Variants in ARHGEF10 observed in about 807,000 individuals in gnomAD.
The protein encoded by ARHGEF10 is Rho guanine nucleotide exchange factor (GEF) 10.
In ARHGEF10, 140 loss-of-function variants were observed where a neutral mutation model predicts 147.4. The ratio of observed to expected loss-of-function variants is 0.95; its 90% CI spans 0.83 to 1.09. The LOEUF is 1.09. Among genes scored for constraint, ARHGEF10 ranks in the 50% least tolerant of loss-of-function variants. The pLI is 0.00. For synonymous variants in ARHGEF10, 902 were observed against 695.8 expected (o/e 1.30, Z -4.67); for missense variants, 2,222 against 1,752.7 (o/e 1.27, Z -4.78).
intron 2 of ARHGEF10, among the ~76,000 whole-genome samples, chr8:1,848,356 G>A (rs1442373331): frequency 1.3e-5 from 2 of 152,120 alleles, no homozygotes; most frequent in East Asian, 1.9e-4. Flanking sequence ...ATGGGGTCTC[G>A]TGGCCAGCAA....
chr8:1,920,302 G>A (rs1355286988), intron 18 of ARHGEF10, among the ~76,000 whole-genome samples: 1 of 152,170 alleles, frequency 6.6e-6, no homozygotes, highest in Admixed American at 6.5e-5. Context: ...AGTTAACATT[G>A]CACTTATAAT....
At chr8:1,831,842 T>G (rs1233760847) in intron 1 of ARHGEF10, among the ~76,000 whole-genome samples, 1 of 152,200 alleles carries the variant, frequency 6.6e-6, no homozygotes, top group Non-Finnish European at 1.5e-5. Context: ...TTTCTCATTC[T>G]CACCATGGGA....
In ARHGEF10 at chr8:1,909,200, G is replaced by A. The variant is rs2294036; in HGVS notation, c.1968-95G>A. ...AAGTCTGAAGAGTTACAATTCAGCA[G>A]TGGGAAGTTTCTCACTTGAACATCT... is the stretch of plus-strand genomic sequence containing the variant. On this transcript the variant is annotated intron_variant, in intron 17 of 28. Transcript: ENST00000349830. 764,406 of 1,519,054 alleles carry A rather than the reference G, an allele frequency of 0.5. 193,906 individuals are homozygous for A. Among genetic ancestry groups the A allele is most frequent in the African/African-American group, 0.62 (45,188 of 73,028 alleles). 94.1% of individuals were successfully genotyped at this position (1,519,054 alleles called of 1,614,324 possible). A position where few individuals can be genotyped will look rare whatever the true frequency, so the allele number is the denominator to read the frequency against.
At position 1,956,768 on chromosome 8, in the gene ARHGEF10, C is replaced by G. The variant is rs752904424; in HGVS notation, c.3540C>G (p.Tyr1180Ter). 2 of 1,613,982 alleles carry G rather than the reference C, an allele frequency of 1.2e-6. No individual in the cohort carries two copies. Among genetic ancestry groups the G allele is most frequent in the Non-Finnish European group, 8.5e-7 (1 of 1,180,016 alleles). The change falls in exon 29 of 29, where the codon TAC becomes TAG. Residue 1180 changes from tyrosine to a stop codon, truncating the protein, a stop_gained. Coordinates refer to ENST00000349830, the MANE Select transcript of ARHGEF10 (RefSeq NM_014629.4). LOFTEE classifies it low-confidence loss of function (END_TRUNC). ...PKVTGRGMVS[Y>*]HAHNSPVKFI... ...TTTCAGGAAGAGGCATGGTCTCCTA[C>G]CATGCACACAACAGTCCTGTCAAAT...
intron 18 of ARHGEF10, among the ~76,000 whole-genome samples, chr8:1,915,946 A>T (rs1266170598): frequency 6.6e-6 from 1 of 152,324 alleles, no homozygotes; most frequent in East Asian, 1.9e-4. Context: ...ACATTCCAGA[A>T]ACCTTCTATT....
rs1809159912 is a variant in ARHGEF10 at position 1,889,244 on chromosome 8, AGTGG to A, written c.1182+3539_1182+3542del. 1.2e-4 allele frequency among the ~76,000 whole-genome samples: 5 copies of A among 42,856 alleles called. 1 individual carries two copies. Among genetic ancestry groups the A allele is most frequent in the African/African-American group, 7.6e-4 (4 of 5,242 alleles). The allele number at this position is 42,856 out of a possible 152,430, so 28.1% of individuals were successfully genotyped here. On this transcript the variant is annotated intron_variant, in intron 11 of 28. Transcript: ENST00000349830. ...GGGTGAGGGTTGTGAGGAGACATTG[AGTGG>A]GATGAGAGGTGTGAGGAGACACTGA...
Position 1,923,059 on chromosome 8 carries a change from A to T in ARHGEF10, c.2239A>T (p.Asn747Tyr). The T allele has an allele frequency of 6.2e-7, 1 of 1,610,482 alleles. No homozygotes were observed. The highest frequency in any genetic ancestry group is 8.5e-7 in the Non-Finnish European group (1 of 1,177,348). ...VIGQITQLIG[N>Y]LKGNYQNLNQ... ...TGGCCAAATCACTCAGCTGATAGGA[A>T]ACCTTAAAGGAAACTATCAGGTAAC... The change falls in exon 19 of 29, where the codon AAC (asparagine) becomes TAC (tyrosine). Residue 747 changes from asparagine (N) to tyrosine (Y), a missense_variant. Transcript: ENST00000349830.
intron 23 of ARHGEF10, chr8:1,927,005 C>T: frequency 4.9e-6 from 1 of 204,668 alleles, no homozygotes; most frequent in South Asian, 7.7e-5. Flanking sequence ...CCCTCCAGGG[C>T]TCCACTGTGC....
intron 9 of ARHGEF10, among the ~76,000 whole-genome samples, chr8:1,881,886 C>T (rs376951705): frequency 2.0e-5 from 3 of 152,134 alleles, no homozygotes; most frequent in African/African-American, 4.8e-5. Flanking sequence ...CTTTTAAAGA[C>T]GAAATCACTC....
At chr8:1,931,904 G>A (rs1028460458) in intron 25 of ARHGEF10, among the ~76,000 whole-genome samples, 4 of 152,204 alleles carry the variant, frequency 2.6e-5, no homozygotes, top group African/African-American at 9.6e-5. Context: ...GGTGCTCAGA[G>A]AACAAAGTTC....
At chr8:1,880,518 A>T (rs1263163553) in intron 9 of ARHGEF10, among the ~76,000 whole-genome samples, 1 of 152,258 alleles carries the variant, frequency 6.6e-6, no homozygotes, top group East Asian at 1.9e-4. Flanking sequence ...TTAAGATAAC[A>T]TGTAATAGGT....
intron 2 of ARHGEF10, among the ~76,000 whole-genome samples, chr8:1,845,255 C>A (rs1430753713): frequency 1.3e-5 from 2 of 152,228 alleles, no homozygotes; most frequent in South Asian, 4.1e-4. Context: ...GTGGCCTTAC[C>A]CTCCACGGGC....
chr8:1,905,535 G>C lies in ARHGEF10; in HGVS notation c.1822-36G>C, dbSNP rs111867207. On this transcript the variant is annotated intron_variant, in intron 16 of 28. Coordinates refer to ENST00000349830, the MANE Select transcript of ARHGEF10 (RefSeq NM_014629.4). The stretch of plus-strand genomic sequence containing the variant: ...CATCTTTTTCTTTTCCGGGTAAACT[G>C]AACTGTGGTCCCTGGGCTGTGTTTT... 1.1e-3 allele frequency: 1,744 copies of C among 1,614,036 alleles called. 9 individuals are homozygous for C. In the African/African-American group the frequency reaches 0.02, roughly 19 times the overall value.
intron 27 of ARHGEF10, among the ~76,000 whole-genome samples, chr8:1,951,912 C>T (rs1815080055): frequency 1.3e-5 from 2 of 152,190 alleles, no homozygotes; most frequent in Admixed American, 1.3e-4. Flanking sequence ...TGGGGTCTTC[C>T]TTGTAGCCAC....
Position 1,849,971 on chromosome 8 carries a change from GGGCC to G in ARHGEF10, c.37+6539_37+6542del, listed in dbSNP as rs1563173589. Among the ~76,000 whole-genome samples the G allele has an allele frequency of 7.8e-4, 96 of 123,834 alleles. 9 individuals are homozygous for G. The highest frequency in any genetic ancestry group is 3.0e-3 in the African/African-American group (93 of 30,878). 81.2% of individuals were successfully genotyped at this position (123,834 alleles called of 152,430 possible). A position where few individuals can be genotyped will look rare whatever the true frequency, so the allele number is the denominator to read the frequency against. Reference sequence around the variant, plus strand: ...AGAGGGCAAATGCTGAGGAGGGCGTGGGCCGGCTGCATGGACACAGAGGGCAAAT... The same window carrying G: ...AGAGGGCAAATGCTGAGGAGGGCGTGGGCTGCATGGACACAGAGGGCAAAT... On this transcript the variant is annotated intron_variant, in intron 2 of 28. Transcript: ENST00000349830.
At chr8:1,922,548 G>A (rs560178642) in intron 18 of ARHGEF10, among the ~76,000 whole-genome samples, 27 of 152,268 alleles carry the variant, frequency 1.8e-4, no homozygotes, top group Admixed American at 3.3e-4. Context: ...TTTCAGGGAC[G>A]TGACCACCGA....
In ARHGEF10 at chr8:1,909,458, A is replaced by G. The variant is rs772418903; in HGVS notation, c.2131A>G (p.Asn711Asp). 17 of 1,613,944 alleles carry G rather than the reference A, an allele frequency of 1.1e-5. No homozygotes were observed. The East Asian group carries it at 2.7e-4, about 25-fold the overall frequency. ...HPPESLAVVA[N>D]AKPNKVYMGP... ...GCCGGAGAGCCTGGCCGTGGTTGCT[A>G]ACGCGAAACCAAGTAAGTGATGCTT... Residue 711 changes from asparagine to aspartate, a missense_variant, in exon 18 of 29, where the codon AAC becomes GAC. Physicochemically the swap from Asn to Asp is conservative, Grantham distance 23. Coordinates refer to ENST00000349830, the MANE Select transcript of ARHGEF10 (RefSeq NM_014629.4).
intron 1 of ARHGEF10, among the ~76,000 whole-genome samples, chr8:1,832,523 GGT>G (rs1491352773): frequency 8.8e-6 from 1 of 113,808 alleles, no homozygotes; most frequent in African/African-American, 3.5e-5. Context: ...CAGAGACAGA[GGT>G]AGAGAGACAC....
chr8:1,888,231 AGTGAGTGTGGTGAGGGTTGCGAGGAGATG>A lies in ARHGEF10; in HGVS notation c.1182+2525_1182+2553del, dbSNP rs1808935447. ...AGTGGGGCGAGGGTTGCGAGGAGAC[AGTGAGTGTGGTGAGGGTTGCGAGGAGATG>A]CTGAGTGGGGCTGTAGGTTCTGAGG... On this transcript the variant is annotated intron_variant, in intron 11 of 28. Coordinates refer to ENST00000349830, the MANE Select transcript of ARHGEF10 (RefSeq NM_014629.4). Among the ~76,000 whole-genome samples, 11 of 54,976 alleles carry A rather than the reference AGTGAGTGTGGTGAGGGTTGCGAGGAGATG, an allele frequency of 2.0e-4. No individual in the cohort carries two copies. In the East Asian group the frequency reaches 2.3e-3, roughly 12 times the overall value. The allele number at this position is 54,976 out of a possible 152,430, so 36.1% of individuals were successfully genotyped here. A position where few individuals can be genotyped will look rare whatever the true frequency, so the allele number is the denominator to read the frequency against.
Sources: gnomAD v4.1 joint callset for allele counts (sites outside exome capture counted in the v4.1 genomes callset) on GRCh38, gnomAD v4.1.1 for gene constraint, MANE v1.5 for transcripts, NCBI Gene and HGNC (gene_info 2026-07-23, HGNC 2026-07-21) for gene names.